The following FCRL1 variants were observed in gnomAD, a reference collection of about 807,000 sequenced individuals.
The protein encoded by FCRL1 is Fc receptor like 1, also known as Fc receptor-like protein 1.
In FCRL1, 34 loss-of-function variants were observed where a neutral mutation model predicts 49.2. That is an observed-to-expected ratio of 0.69 (90% CI 0.53 to 0.92). FCRL1 has a LOEUF of 0.92. FCRL1 is among the 40% of genes least tolerant of loss of function. The pLI is 0.00. For missense variants in FCRL1, 524 were observed against 524.1 expected (o/e 1.00, Z 0.00); for synonymous variants, 218 against 201.6 (o/e 1.08, Z -0.69).
chr1:157,814,595 G>A (rs1371592587), intron 1 of FCRL1, among the ~76,000 whole-genome samples: 1 of 151,852 alleles, frequency 6.6e-6, no homozygotes, highest in Non-Finnish European at 1.5e-5. Flanking sequence ...CAACAAAATG[G>A]CAGGAGTTAA....
rs1653553858 is a variant in FCRL1 at position 157,806,912 on chromosome 1, A to G, written c.52+190T>C. 5.2e-6 allele frequency: 3 copies of G among 581,184 alleles called. No homozygotes were observed. The South Asian group carries it at 6.9e-5, about 13-fold the overall frequency. 36.0% of individuals were successfully genotyped at this position (581,184 alleles called of 1,614,324 possible). ...CACTGAGCAGACACGTGTCAGGTGC[A>G]GAGACTGATGTGAAGACAGAGCAGC... is the stretch of plus-strand genomic sequence containing the variant. On this transcript the variant is annotated intron_variant, in intron 2 of 10. Coordinates refer to ENST00000368176, the MANE Select transcript of FCRL1 (RefSeq NM_052938.5).
intron 1 of FCRL1, among the ~76,000 whole-genome samples, chr1:157,811,142 T>A (rs1654266495): frequency 6.6e-6 from 1 of 152,170 alleles, no homozygotes; most frequent in African/African-American, 2.4e-5. Context: ...ATATTTCTAT[T>A]ATTTTAAGAG....
intron 4 of FCRL1, 88 bp downstream of exon 4, chr1:157,802,289 G>C: frequency 1.3e-6 from 2 of 1,576,580 alleles, no homozygotes; most frequent in Non-Finnish European, 1.7e-6. Flanking sequence ...AACTTCCTCA[G>C]CATGCCCCAG....
At chr1:157,818,503 T>C (rs1349929754) in intron 1 of FCRL1, among the ~76,000 whole-genome samples, 1 of 151,970 alleles carries the variant, frequency 6.6e-6, no homozygotes, top group African/African-American at 2.4e-5. Context: ...GCTTGGGTAA[T>C]AGTGGGGAAG....
intron 1 of FCRL1, among the ~76,000 whole-genome samples, chr1:157,811,785 C>G (rs1423614906): frequency 6.6e-6 from 1 of 152,184 alleles, no homozygotes; most frequent in Non-Finnish European, 1.5e-5. Context: ...ACACCATTTG[C>G]TAGCCAAGCT....
chr1:157,802,499 C>G lies in FCRL1; in HGVS notation c.485G>C (p.Arg162Pro), dbSNP rs140643287. 6.2e-7 allele frequency: 1 copy of G among 1,614,190 alleles called. No homozygotes were observed. The highest frequency in any genetic ancestry group is 1.7e-5 in the Admixed American group (1 of 60,026). Residue 162 changes from arginine (R) to proline (P), a missense_variant, in exon 4 of 11, where the codon CGT (arginine) becomes CCT (proline). Physicochemically the swap from Arg to Pro is moderately radical, Grantham distance 103 (BLOSUM62 -2). Coordinates refer to ENST00000368176, the MANE Select transcript of FCRL1 (RefSeq NM_052938.5). The stretch of plus-strand genomic sequence containing the variant: ...AATCTCATACTCTGCTGTCAGTGAA[C>G]GCTGGGTCTTTGACTGAAGGTTTAA... ...VGLNLQSKTQ[R>P]SLTAEYEIPS...
At chr1:157,797,626 T>A in intron 9 of FCRL1, 1 of 977,922 alleles carries the variant, frequency 1.0e-6, no homozygotes, top group Non-Finnish European at 1.5e-6. Flanking sequence ...TTGCTCTTTC[T>A]AAGTGACTAT....
At chr1:157,798,000 C>T in intron 8 of FCRL1, 61 bp from the exon 9 acceptor site, 1 of 1,560,864 alleles carries the variant, frequency 6.4e-7, no homozygotes, top group Non-Finnish European at 8.8e-7. Context: ...TCAAATTACT[C>T]CATACCTTCC....
chr1:157,806,877 C>T, intron 2 of FCRL1: 1 of 498,660 alleles, frequency 2.0e-6, no homozygotes. Context: ...AGAGCAAGAC[C>T]TGTTCACCCC....
chr1:157,804,060 G>A lies in FCRL1; in HGVS notation c.104C>T (p.Thr35Ile). 1 of 1,614,168 alleles carries A rather than the reference G, an allele frequency of 6.2e-7. No individual in the cohort carries two copies. The highest frequency in any genetic ancestry group is 8.5e-7 in the Non-Finnish European group (1 of 1,180,032). The change falls in exon 3 of 11, where the codon ACC becomes ATC. Residue 35 changes from threonine to isoleucine, a missense_variant. By Grantham distance (89) the Thr-to-Ile change is moderately conservative (BLOSUM62 -1). Coordinates refer to ENST00000368176, the MANE Select transcript of FCRL1 (RefSeq NM_052938.5). ...PSHPTEGSPV[T>I]LTCKMPFLQS... ...TAGAAAGGGCATCTTACACGTCAGG[G>A]TCACTGGGCTCCCCTCTGTGGGATG...
chr1:157,820,091 C>A lies in FCRL1; in HGVS notation c.-54G>T, dbSNP rs1033637730. ...GATGCCTCTCATCAAAAAAAGAATG[C>A]ACCTCAGAGTCGAGCAGCAGCAGCT... On this transcript the variant is annotated 5_prime_UTR_variant, in exon 1 of 11. Transcript: ENST00000368176. 6.2e-7 allele frequency: 1 copy of A among 1,601,742 alleles called. No individual in the cohort carries two copies. Among genetic ancestry groups the A allele is most frequent in the Non-Finnish European group, 8.6e-7 (1 of 1,169,074 alleles).
rs1437695493 is a variant in FCRL1 at position 157,797,122 on chromosome 1, C to T, written c.1197G>A (p.Leu399=). ...PEQESVAAET[L]GTHMEDKVSL... is the part of the protein sequence containing the mutation. Reference sequence around the variant, plus strand: ...TTACCTTGTCCTCCATATGTGTCCCCAGGGTTTCTGCTGTGGAGAAAAGAC... The same window carrying T: ...TTACCTTGTCCTCCATATGTGTCCCTAGGGTTTCTGCTGTGGAGAAAAGAC... The change falls in exon 10 of 11, where the codon CTG becomes CTA. Residue 399 remains leucine (L), a synonymous_variant. Transcript: ENST00000368176. 1 of 1,613,856 alleles carries T rather than the reference C, an allele frequency of 6.2e-7. No homozygotes were observed. Among genetic ancestry groups the T allele is most frequent in the East Asian group, 2.2e-5 (1 of 44,882 alleles).
intron 1 of FCRL1, 100 bp downstream of exon 1, chr1:157,819,907 C>T (rs1490549299): frequency 2.1e-6 from 3 of 1,424,054 alleles, no homozygotes; most frequent in Non-Finnish European, 2.0e-6. Flanking sequence ...CTGAGCATTA[C>T]CTGACAGAAC....
intron 2 of FCRL1, among the ~76,000 whole-genome samples, chr1:157,806,266 T>C (rs996489499): frequency 3.3e-5 from 5 of 152,220 alleles, no homozygotes; most frequent in African/African-American, 1.2e-4. Flanking sequence ...TGAATCTCTC[T>C]GAATCTTTCT....
intron 6 of FCRL1, among the ~76,000 whole-genome samples, chr1:157,801,222 AC>A (rs1260561025): frequency 6.6e-6 from 1 of 152,200 alleles, no homozygotes; most frequent in African/African-American, 2.4e-5. Flanking sequence ...AAATTAAATC[AC>A]AGAAGCACAA....
intron 1 of FCRL1, among the ~76,000 whole-genome samples, chr1:157,811,777 A>C (rs1654351150): frequency 6.6e-6 from 1 of 152,154 alleles, no homozygotes; most frequent in Non-Finnish European, 1.5e-5. Flanking sequence ...ACAGTAGTAC[A>C]CCATTTGCTA....
intron 2 of FCRL1, 137 bp downstream of exon 2, chr1:157,806,965 G>T: frequency 3.4e-6 from 3 of 881,012 alleles, no homozygotes; most frequent in Non-Finnish European, 5.4e-6. Context: ...ACTGATGTTT[G>T]TACACCTCAG....
chr1:157,801,383 A>G, intron 6 of FCRL1, 78 bp downstream of exon 6: 1 of 934,010 alleles, frequency 1.1e-6, no homozygotes, highest in Non-Finnish European at 1.7e-6. Context: ...CTTTTGCAGT[A>G]TACATGTCAC....
chr1:157,808,667 A>G (rs1459084704), intron 1 of FCRL1, among the ~76,000 whole-genome samples: 1 of 152,218 alleles, frequency 6.6e-6, no homozygotes, highest in African/African-American at 2.4e-5. Context: ...TTAATTTACA[A>G]TATCACTCAG....
Sources: gnomAD v4.1 joint callset for allele counts (sites outside exome capture counted in the v4.1 genomes callset) on GRCh38, gnomAD v4.1.1 for gene constraint, MANE v1.5 for transcripts, NCBI Gene and HGNC (gene_info 2026-07-23, HGNC 2026-07-21) for gene names.